The following ANKS1B variants were observed in gnomAD, a reference collection of about 807,000 sequenced individuals.
The protein encoded by ANKS1B is ankyrin repeat and sterile alpha motif domain containing 1B.
In ANKS1B, 36 loss-of-function variants were observed where a neutral mutation model predicts 148.3. The observed-to-expected ratio is 0.24, with a 90% CI of 0.19 to 0.32. The LOEUF (loss-of-function observed/expected upper bound fraction) is 0.32, where lower values mean the gene tolerates loss of function less well. Ranked by LOEUF, ANKS1B falls within the 10% of genes least tolerant of loss-of-function variation. ANKS1B has a pLI of 1.00. For missense variants in ANKS1B, 1,157 were observed against 1,542.6 expected (o/e 0.75, Z 4.19); for synonymous variants, 542 against 560.8 (o/e 0.97, Z 0.47).
At chr12:99,362,335 C>A (rs1593104578) in intron 12 of ANKS1B, among the ~76,000 whole-genome samples, 1 of 151,948 alleles carries the variant, frequency 6.6e-6, no homozygotes, top group African/African-American at 2.4e-5. Context: ...ATCTCATATC[C>A]AATCTTCATA....
Position 99,504,606 on chromosome 12 carries a change from T to A in ANKS1B, c.1308A>T (p.Glu436Asp). 4 of 1,606,790 alleles carry A rather than the reference T, an allele frequency of 2.5e-6. No individual in the cohort carries two copies. The highest frequency in any genetic ancestry group is 3.4e-6 in the Non-Finnish European group (4 of 1,176,366). Residue 436 changes from glutamate to aspartate, a missense_variant, in exon 10 of 27, where the codon GAA (glutamate) becomes GAT (aspartate). Transcript: ENST00000683438. ...TATCCAGAGAAGCAGATGGTACAAT[T>A]TCCATAGTGTAATTTCTCTTCTTTG... Reference protein sequence around the residue: ...SYPKKRNYTMEIVPSASLDTF... With the variant: ...SYPKKRNYTMDIVPSASLDTF...
chr12:99,534,899 C>T (rs868310685), intron 9 of ANKS1B, among the ~76,000 whole-genome samples: 2 of 151,722 alleles, frequency 1.3e-5, no homozygotes, highest in African/African-American at 4.8e-5. Flanking sequence ...TTAGTAGAGA[C>T]GGGGTTTCAC....
chr12:99,858,218 G>A (rs1178213572), intron 1 of ANKS1B, among the ~76,000 whole-genome samples: 1 of 152,080 alleles, frequency 6.6e-6, no homozygotes, highest in Non-Finnish European at 1.5e-5. Flanking sequence ...ATCAAAAAGT[G>A]GGCTAAGGAC....
In ANKS1B at chr12:98,970,099, T is replaced by A. The variant is rs1341932918; in HGVS notation, c.2778+83058A>T. Among the ~76,000 whole-genome samples, 4 of 152,242 alleles carry A rather than the reference T, an allele frequency of 2.6e-5. No individual in the cohort carries two copies. The East Asian group carries it at 7.7e-4, about 29-fold the overall frequency. ...TGCTATGTTCAGTTACTGCCCCCTG[T>A]TTCTCTAATGGAGTTTTGCTTTCAA... On this transcript the variant is annotated intron_variant, in intron 17 of 26. Transcript: ENST00000683438.
At chr12:99,276,550 GGA>G in intron 12 of ANKS1B, among the ~76,000 whole-genome samples, 1 of 152,278 alleles carries the variant, frequency 6.6e-6, no homozygotes, top group East Asian at 1.9e-4. Context: ...TCACCTATAA[GGA>G]GAGAGACTTC....
At chr12:98,760,836 C>CA (rs1201369069) in intron 25 of ANKS1B, among the ~76,000 whole-genome samples, 1 of 152,224 alleles carries the variant, frequency 6.6e-6, no homozygotes, top group Non-Finnish European at 1.5e-5. Flanking sequence ...AACTTATAGA[C>CA]ATGCAGTCAA....
At chr12:99,573,411 G>A (rs529355213) in intron 9 of ANKS1B, among the ~76,000 whole-genome samples, 2 of 151,786 alleles carry the variant, frequency 1.3e-5, no homozygotes, top group African/African-American at 4.8e-5. Flanking sequence ...TTGGATTTAG[G>A]GATCAGCATT....
chr12:99,146,333 T>C (rs1295803351), intron 15 of ANKS1B, among the ~76,000 whole-genome samples: 1 of 152,062 alleles, frequency 6.6e-6, no homozygotes, highest in Non-Finnish European at 1.5e-5. Flanking sequence ...CAGAGCACCG[T>C]GGGTGCACAG....
chr12:98,855,395 C>T (rs2099561024), intron 17 of ANKS1B, among the ~76,000 whole-genome samples: 1 of 152,154 alleles, frequency 6.6e-6, no homozygotes, highest in African/African-American at 2.4e-5. Flanking sequence ...TCTTGAAGGA[C>T]TCCAGTGCCT....
intron 1 of ANKS1B, among the ~76,000 whole-genome samples, chr12:99,979,482 T>C (rs1364262446): frequency 6.6e-6 from 1 of 152,102 alleles, no homozygotes; most frequent in East Asian, 1.9e-4. Flanking sequence ...TTGAGAACCA[T>C]TTTCAAATCA....
intron 2 of ANKS1B, among the ~76,000 whole-genome samples, chr12:99,816,453 C>A (rs182928336): frequency 4.6e-5 from 7 of 151,710 alleles, no homozygotes; most frequent in Admixed American, 2.6e-4. Context: ...CTGATTATTT[C>A]TTTTGCTGTG....
At chr12:99,330,720 C>T (rs536337884) in intron 12 of ANKS1B, among the ~76,000 whole-genome samples, 1 of 152,082 alleles carries the variant, frequency 6.6e-6, no homozygotes, top group Non-Finnish European at 1.5e-5. Flanking sequence ...TATAGTGAAT[C>T]TGTTCGGTCT....
chr12:99,694,437 TAA>T (rs561215216), intron 8 of ANKS1B, among the ~76,000 whole-genome samples: 57 of 132,712 alleles, frequency 4.3e-4, no homozygotes, highest in Admixed American at 3.8e-4. Context: ...AGACTTCATC[TAA>T]AAAAAAAAAA....
intron 19 of ANKS1B, among the ~76,000 whole-genome samples, chr12:98,821,238 G>T (rs1202380669): frequency 6.6e-6 from 1 of 152,138 alleles, no homozygotes; most frequent in Non-Finnish European, 1.5e-5. Context: ...AATTAAGTAT[G>T]AAAAAATGAA....
At chr12:99,664,337 A>G (rs1056576480) in intron 8 of ANKS1B, among the ~76,000 whole-genome samples, 1 of 152,046 alleles carries the variant, frequency 6.6e-6, no homozygotes, top group Non-Finnish European at 1.5e-5. Flanking sequence ...CATTTTATAT[A>G]TTTATTTTTT....
intron 15 of ANKS1B, among the ~76,000 whole-genome samples, chr12:99,119,734 C>T (rs970376908): frequency 6.6e-6 from 1 of 152,158 alleles, no homozygotes; most frequent in African/African-American, 2.4e-5. Flanking sequence ...GACTTGAATG[C>T]TTTGCTTTTC....
Position 99,967,242 on chromosome 12 carries a change from T to C in ANKS1B, c.134+16862A>G, listed in dbSNP as rs541113365. On this transcript the variant is annotated intron_variant, in intron 1 of 26. Transcript: ENST00000683438. ...TCCTCCTGTGTAATAGGCACTGTGATAGATATTTTATATAAATTATCTTTA... is the reference window on the plus strand; with the variant it reads ...TCCTCCTGTGTAATAGGCACTGTGACAGATATTTTATATAAATTATCTTTA... 4.8e-4 allele frequency among the ~76,000 whole-genome samples: 73 copies of C among 152,326 alleles called. No homozygotes were observed. In the South Asian group the frequency reaches 0.015, roughly 31 times the overall value.
At position 99,246,248 on chromosome 12, in the gene ANKS1B, A is replaced by G. The variant is rs2073872241; in HGVS notation, c.2346+27T>C. 2.7e-6 allele frequency: 4 copies of G among 1,505,710 alleles called. No individual in the cohort carries two copies. In the South Asian group the frequency reaches 5.4e-5, roughly 20 times the overall value. The allele number at this position is 1,505,710 out of a possible 1,614,324, so 93.3% of individuals were successfully genotyped here. ...TCCCTCAACTGCAAAGCCTTATAGG[A>G]TGAACAGCAAGAAGAACAAAGCTTA... On this transcript the variant is annotated intron_variant, in intron 13 of 26. Coordinates refer to ENST00000683438, the MANE Select transcript of ANKS1B (RefSeq NM_001352186.2).
chr12:99,899,854 T>G (rs1262766620), intron 1 of ANKS1B, among the ~76,000 whole-genome samples: 1 of 152,140 alleles, frequency 6.6e-6, no homozygotes, highest in Non-Finnish European at 1.5e-5. Context: ...TTAAAATGTT[T>G]CCAGGATATG....
Sources: allele counts gnomAD v4.1 joint callset (sites outside exome capture counted in the v4.1 genomes callset), GRCh38; gene constraint gnomAD v4.1.1; transcripts MANE v1.5; gene names NCBI Gene and HGNC (gene_info 2026-07-23, HGNC 2026-07-21).